RUNDC3B: variants seen among roughly 807,000 people sequenced by gnomAD.
RUNDC3B encodes the protein RUN domain-containing protein 3B.
A neutral mutation model predicts 58.4 loss-of-function variants in RUNDC3B; 33 were observed. The observed-to-expected ratio is 0.56, with a 90% CI of 0.43 to 0.75. RUNDC3B has a LOEUF of 0.75. RUNDC3B is among the 30% of genes least tolerant of loss of function. The pLI is 0.00. For synonymous variants in RUNDC3B, 193 were observed against 195.2 expected, an observed-to-expected ratio of 0.99 and a Z score of 0.10; for missense variants, 501 against 535.7, an observed-to-expected ratio of 0.94 and a Z score of 0.64.
chr7:87,708,438 A>G (rs1829793964), intron 3 of RUNDC3B, among the ~76,000 whole-genome samples: 1 of 152,122 alleles, frequency 6.6e-6, no homozygotes, highest in Non-Finnish European at 1.5e-5. Flanking sequence ...CACCAAAACT[A>G]ACACGAAAAG....
rs1340319690 is a variant in RUNDC3B at position 87,831,119 on chromosome 7, G to C, written c.*1089G>C. The stretch of plus-strand genomic sequence containing the variant: ...TTGTAATCTGTACTTTTTTTTTTTT[G>C]CAATTTTTGAAACAGCTACATTAAT... On this transcript the variant is annotated 3_prime_UTR_variant, in exon 11 of 11. Coordinates refer to ENST00000394654, the MANE Select transcript of RUNDC3B (RefSeq NM_001134405.2). 9.1e-6 allele frequency: 1 copy of C among 109,934 alleles called. No homozygotes were observed. Among genetic ancestry groups the C allele is most frequent in the Non-Finnish European group, 2.0e-5 (1 of 50,510 alleles). 6.8% of individuals were successfully genotyped at this position (109,934 alleles called of 1,614,324 possible). A position where few individuals can be genotyped will look rare whatever the true frequency, so the allele number is the denominator to read the frequency against.
chr7:87,774,164 A>G (rs1463767417), intron 7 of RUNDC3B, among the ~76,000 whole-genome samples: 1 of 152,190 alleles, frequency 6.6e-6, no homozygotes, highest in Non-Finnish European at 1.5e-5. Context: ...TAAAGAAAAA[A>G]TTGTCTAAAT....
chr7:87,778,143 T>TA (rs1444443928), intron 8 of RUNDC3B, among the ~76,000 whole-genome samples, 188 bp downstream of exon 8: 1 of 151,978 alleles, frequency 6.6e-6, no homozygotes, highest in Non-Finnish European at 1.5e-5. Context: ...TGCAGAAACT[T>TA]AAAAAAATAC....
At chr7:87,657,063 C>G (rs1042214439) in intron 2 of RUNDC3B, among the ~76,000 whole-genome samples, 1 of 152,052 alleles carries the variant, frequency 6.6e-6, no homozygotes, top group African/African-American at 2.4e-5. Context: ...ATACTTTCCC[C>G]TATTTCTCTC....
Position 87,777,810 on chromosome 7 carries a change from G to T in RUNDC3B, c.811G>T (p.Glu271Ter). Residue 271 changes from glutamate (E) to a stop codon, truncating the protein, a stop_gained, in exon 8 of 11, where the codon GAA becomes TAA. Coordinates refer to ENST00000394654, the MANE Select transcript of RUNDC3B (RefSeq NM_001134405.2). LOFTEE classifies it high-confidence loss of function. ...LTLEQKGYLE[E>*]LLRLRENQLS... is the part of the protein sequence containing the mutation. ...ACTGGATTTCCAGGGTTACCTTGAA[G>T]AACTCTTACGACTTCGAGAGAACCA... 6.2e-7 allele frequency: 1 copy of T among 1,613,458 alleles called. No individual in the cohort carries two copies. Among genetic ancestry groups the T allele is most frequent in the Non-Finnish European group, 8.5e-7 (1 of 1,179,702 alleles).
chr7:87,806,191 A>AT (rs1403703125), intron 8 of RUNDC3B, among the ~76,000 whole-genome samples: 1 of 152,144 alleles, frequency 6.6e-6, no homozygotes, highest in Non-Finnish European at 1.5e-5. Context: ...TGGAACAAGT[A>AT]TTTTTCAGTG....
chr7:87,794,145 CTG>C (rs1835680301), intron 8 of RUNDC3B, among the ~76,000 whole-genome samples: 2 of 152,186 alleles, frequency 1.3e-5, no homozygotes, highest in South Asian at 4.1e-4. Flanking sequence ...ACAATAAAAA[CTG>C]TAAAACAGGC....
chr7:87,769,230 T>G (rs1834139752), intron 6 of RUNDC3B, among the ~76,000 whole-genome samples: 1 of 151,922 alleles, frequency 6.6e-6, no homozygotes, highest in South Asian at 2.1e-4. Context: ...AAGCTGGTCT[T>G]GAACTTCTGG....
At chr7:87,677,373 A>G (rs1435239758) in intron 2 of RUNDC3B, among the ~76,000 whole-genome samples, 1 of 152,032 alleles carries the variant, frequency 6.6e-6, no homozygotes, top group Non-Finnish European at 1.5e-5. Flanking sequence ...ATTTGCAGTA[A>G]CAGATGAACC....
chr7:87,791,188 T>G (rs1835503443), intron 8 of RUNDC3B, among the ~76,000 whole-genome samples: 1 of 152,078 alleles, frequency 6.6e-6, no homozygotes, highest in African/African-American at 2.4e-5. Flanking sequence ...ATCACATATT[T>G]AAAGTACTGA....
chr7:87,692,992 A>G (rs1249689732), intron 2 of RUNDC3B, among the ~76,000 whole-genome samples: 1 of 152,118 alleles, frequency 6.6e-6, no homozygotes, highest in Non-Finnish European at 1.5e-5. Flanking sequence ...TTCATGTCAC[A>G]TTACTAGCTC....
chr7:87,702,528 C>T (rs1055872236), intron 3 of RUNDC3B, among the ~76,000 whole-genome samples: 2 of 152,136 alleles, frequency 1.3e-5, no homozygotes, highest in Non-Finnish European at 2.9e-5. Context: ...AGTCTTTCTG[C>T]TGCAGCCTCC....
chr7:87,824,741 T>A (rs1395276073), intron 10 of RUNDC3B, among the ~76,000 whole-genome samples: 3 of 152,158 alleles, frequency 2.0e-5, no homozygotes, highest in Non-Finnish European at 4.4e-5. Context: ...AAATCCAGGA[T>A]GAGGTGGTCT....
intron 1 of RUNDC3B, among the ~76,000 whole-genome samples, chr7:87,631,963 T>C (rs1173183051): frequency 6.6e-6 from 1 of 152,220 alleles, no homozygotes; most frequent in Non-Finnish European, 1.5e-5. Flanking sequence ...TTTCCAAATA[T>C]GAGCAGGGTA....
At chr7:87,709,558 C>T in intron 3 of RUNDC3B, 5 of 972,642 alleles carry the variant, frequency 5.1e-6, no homozygotes, top group Non-Finnish European at 6.1e-6. Flanking sequence ...TCATTTTCTT[C>T]CCAGTAGTAC....
At chr7:87,687,121 C>T (rs183562486) in intron 2 of RUNDC3B, among the ~76,000 whole-genome samples, 3 of 152,238 alleles carry the variant, frequency 2.0e-5, no homozygotes, top group Admixed American at 2.0e-4. Context: ...CTTGCTGACT[C>T]ACATTCAGTT....
intron 1 of RUNDC3B, among the ~76,000 whole-genome samples, chr7:87,645,186 G>A (rs182471783): frequency 2.8e-4 from 42 of 151,326 alleles, no homozygotes; most frequent in African/African-American, 1.0e-3. Flanking sequence ...GGGTTCAAGC[G>A]ATTCTCCTAC....
intron 2 of RUNDC3B, among the ~76,000 whole-genome samples, chr7:87,656,943 T>C (rs1824166130): frequency 6.6e-6 from 1 of 152,186 alleles, no homozygotes; most frequent in Non-Finnish European, 1.5e-5. Flanking sequence ...GGGCATACAG[T>C]AGGGAATTAA....
chr7:87,783,953 TGG>T (rs1835076871), intron 8 of RUNDC3B, among the ~76,000 whole-genome samples: 1 of 152,144 alleles, frequency 6.6e-6, no homozygotes, highest in Non-Finnish European at 1.5e-5. Flanking sequence ...CACGTTGACC[TGG>T]CAAGTCTGAA....
Sources: gnomAD v4.1 joint callset for allele counts (sites outside exome capture counted in the v4.1 genomes callset) on GRCh38, gnomAD v4.1.1 for gene constraint, MANE v1.5 for transcripts, NCBI Gene and HGNC (gene_info 2026-07-23, HGNC 2026-07-21) for gene names.